HRH1: variants seen among roughly 807,000 people sequenced by gnomAD.
The protein encoded by HRH1 is histamine H1 receptor.
In HRH1, 6 loss-of-function variants were observed where a neutral mutation model predicts 10.3. The observed-to-expected ratio is 0.58, with a 90% confidence interval of 0.32 to 1.15. HRH1 has a LOEUF of 1.15. Ranked by LOEUF, HRH1 falls within the 50% of genes most tolerant of loss-of-function variation. The pLI is 0.05. For missense variants in HRH1, 514 were observed against 615.3 expected (o/e 0.84, Z 1.74); for synonymous variants, 242 against 236.7 (o/e 1.02, Z -0.21).
chr3:11,151,256 A>T (rs1350812935), upstream of HRH1, among the ~76,000 whole-genome samples: 1 of 152,188 alleles, frequency 6.6e-6, no homozygotes, highest in East Asian at 1.9e-4. Context: ...CCACCTCCCT[A>T]TGGAAAGAGC....
intron 1 of HRH1, among the ~76,000 whole-genome samples, chr3:11,148,139 C>T (rs2124997950): frequency 6.7e-6 from 1 of 150,248 alleles, no homozygotes; most frequent in East Asian, 2.0e-4. Flanking sequence ...GAGATTGTGC[C>T]ACTGCACTCC....
intron 1 of HRH1, among the ~76,000 whole-genome samples, chr3:11,252,142 G>T (rs2152586745): frequency 6.6e-6 from 1 of 152,318 alleles, no homozygotes; most frequent in South Asian, 2.1e-4. Context: ...CGTCTTGTGT[G>T]AGCTTTTTGT....
intron 1 of HRH1, among the ~76,000 whole-genome samples, chr3:11,221,623 C>A (rs1363336089): frequency 6.6e-6 from 1 of 151,976 alleles, no homozygotes; most frequent in Non-Finnish European, 1.5e-5. Context: ...ATGCACGGTT[C>A]AGTGACACTA....
intron 1 of HRH1, among the ~76,000 whole-genome samples, chr3:11,166,233 C>T (rs1006865284): frequency 6.6e-6 from 1 of 152,144 alleles, no homozygotes; most frequent in Non-Finnish European, 1.5e-5. Context: ...ATAAAATATA[C>T]ATAACAACAT....
upstream of HRH1, among the ~76,000 whole-genome samples, chr3:11,149,923 CCTCCTGGTCCAGT>C (rs1936563378): frequency 6.6e-6 from 1 of 152,172 alleles, no homozygotes; most frequent in Non-Finnish European, 1.5e-5. Context: ...ATTGGTCCAG[CCTCCTGGTCCAGT>C]CTCCTGATCT....
rs763567967 is a variant in HRH1, at chr3:11,196,998, G to A, written c.-36+42444G>A. 2.6e-3 allele frequency among the ~76,000 whole-genome samples: 388 copies of A among 149,788 alleles called. 8 individuals are homozygous for A. Among genetic ancestry groups the A allele is most frequent in the Non-Finnish European group, 1.4e-3 (97 of 67,648 alleles). Reference sequence around the variant, plus strand: ...AAATTAGCTGGGCATGGTGGTGGGCGCCTGTAGTCCCAGCTACTCAGGAGG... The same window carrying A: ...AAATTAGCTGGGCATGGTGGTGGGCACCTGTAGTCCCAGCTACTCAGGAGG... On this transcript the variant is annotated intron_variant, in intron 1 of 1. Coordinates refer to ENST00000431010, the MANE Select transcript of HRH1 (RefSeq NM_001098212.2).
chr3:11,209,130 T>C (rs1938236574), intron 1 of HRH1, among the ~76,000 whole-genome samples: 1 of 152,218 alleles, frequency 6.6e-6, no homozygotes, highest in Non-Finnish European at 1.5e-5. Context: ...CTTGCTCTGC[T>C]GTCCAGGCTG....
chr3:11,171,566 T>A (rs1937152287), intron 1 of HRH1, among the ~76,000 whole-genome samples: 1 of 152,156 alleles, frequency 6.6e-6, no homozygotes, highest in Admixed American at 6.5e-5. Flanking sequence ...AATCTGCATT[T>A]TAACAAGCTC....
intron 1 of HRH1, among the ~76,000 whole-genome samples, chr3:11,196,953 C>CAAAAAAAAAAA (rs35134148): frequency 2.4e-4 from 27 of 110,416 alleles, no homozygotes; most frequent in African/African-American, 4.8e-4. Context: ...ACTAAAAATA[C>CAAAAAAAAAAA]AAAAAAAAAA....
intron 1 of HRH1, among the ~76,000 whole-genome samples, chr3:11,179,942 T>C (rs764098670): frequency 6.6e-6 from 1 of 151,956 alleles, no homozygotes; most frequent in Non-Finnish European, 1.5e-5. Flanking sequence ...GGCTAATTTT[T>C]TGTAGAGATG....
intron 1 of HRH1, among the ~76,000 whole-genome samples, chr3:11,236,360 C>T (rs1372574203): frequency 2.0e-5 from 3 of 152,148 alleles, no homozygotes; most frequent in East Asian, 1.9e-4. Context: ...ACCAAGGAGG[C>T]GGAGGTTGCG....
intron 1 of HRH1, among the ~76,000 whole-genome samples, chr3:11,209,988 A>G (rs1233294155): frequency 6.6e-6 from 1 of 152,264 alleles, no homozygotes; most frequent in African/African-American, 2.4e-5. Context: ...CATCAAATGC[A>G]GTTGTCGTGA....
At chr3:11,140,764 C>T (rs1428229074) in intron 1 of HRH1, among the ~76,000 whole-genome samples, 1 of 152,152 alleles carries the variant, frequency 6.6e-6, no homozygotes, top group African/African-American at 2.4e-5. Flanking sequence ...TCAGTGTCCC[C>T]ATCTGTAAAG....
intron 1 of HRH1, among the ~76,000 whole-genome samples, chr3:11,241,821 G>A (rs906075955): frequency 2.0e-5 from 3 of 149,578 alleles, no homozygotes; most frequent in Non-Finnish European, 4.4e-5. Context: ...GGGGGACAGA[G>A]CGAGACTCCG....
rs1353621850 is a variant in HRH1, at chr3:11,260,001, G to A, written c.964G>A (p.Val322Ile). 1 of 1,614,160 alleles carries A rather than the reference G, an allele frequency of 6.2e-7. No homozygotes were observed. Among genetic ancestry groups the A allele is most frequent in the South Asian group, 1.1e-5 (1 of 91,070 alleles). The change falls in exon 2 of 2, where the codon GTA (valine) becomes ATA (isoleucine). Residue 322 changes from valine to isoleucine, a missense_variant. Physicochemically the swap from Val to Ile is conservative, Grantham distance 29. Coordinates refer to ENST00000431010, the MANE Select transcript of HRH1 (RefSeq NM_001098212.2). The part of the protein sequence containing the change: ...AAAEGSSRDY[V>I]AVNRSHGQLK... ...GGCAGAGGGGAGTAGCAGGGACTATGTAGCCGTCAACCGGAGCCATGGCCA... is the reference window on the plus strand; with the variant it reads ...GGCAGAGGGGAGTAGCAGGGACTATATAGCCGTCAACCGGAGCCATGGCCA...
At chr3:11,141,145 C>A (rs1035220487) in intron 1 of HRH1, among the ~76,000 whole-genome samples, 1 of 152,074 alleles carries the variant, frequency 6.6e-6, no homozygotes. Flanking sequence ...TCAGATCTGA[C>A]CATAAAATCC....
At chr3:11,188,236 C>A (rs1484617887) in intron 1 of HRH1, among the ~76,000 whole-genome samples, 1 of 152,126 alleles carries the variant, frequency 6.6e-6, no homozygotes, top group African/African-American at 2.4e-5. Flanking sequence ...TTAAGGAGAG[C>A]AGATTGATTA....
chr3:11,259,241 C>T lies in HRH1; in HGVS notation c.204C>T (p.Ser68=), dbSNP rs1939869652. The T allele has an allele frequency of 6.2e-7, 1 of 1,613,616 alleles. No homozygotes were observed. ...CTGTGGGGAACCTGTACATCGTCAG[C>T]CTCTCGGTGGCGGACTTGATCGTGG... ...LHTVGNLYIV[S]LSVADLIVGA... The change falls in exon 2 of 2, where the codon AGC becomes AGT. Residue 68 remains serine (S), a synonymous_variant. Transcript: ENST00000431010. The surrounding 1 kb of genome is among the most constrained non-coding windows in gnomAD (Gnocchi z 4.6).
At chr3:11,228,341 G>A (rs6442240) in intron 1 of HRH1, among the ~76,000 whole-genome samples, 44,616 of 151,992 alleles carry the variant, frequency 0.29, 8,085 homozygotes, top group African/African-American at 0.48. Flanking sequence ...TGCTCATGCC[G>A]CTGCACTCCA....
Sources: gnomAD v4.1 joint callset for allele counts (sites outside exome capture counted in the v4.1 genomes callset) on GRCh38, gnomAD v4.1.1 for gene constraint, Gnocchi (gnomAD v3.1) non-coding constraint, MANE v1.5 for transcripts, NCBI Gene and HGNC (gene_info 2026-07-23, HGNC 2026-07-21) for gene names.